The following LIPA variants were observed in gnomAD, a reference collection of about 807,000 sequenced individuals.
LIPA encodes lipase A, lysosomal acid type, also known as lysosomal acid lipase/cholesteryl ester hydrolase.
LIPA carries 26 observed loss-of-function variants against 40.6 expected under a neutral mutation model. That is an observed-to-expected ratio of 0.64 (90% CI 0.47 to 0.89). LIPA has a LOEUF of 0.89. Among genes scored for constraint, LIPA ranks in the 40% least tolerant of loss-of-function variants. The probability of loss-of-function intolerance (pLI) is 0.00; values close to 1 mark genes in which losing one functional copy is unlikely to be tolerated. For synonymous variants in LIPA, 188 were observed against 168.4 expected (o/e 1.12, Z -0.90); for missense variants, 455 against 479.6 (o/e 0.95, Z 0.48).
chr10:89,326,697 T>C (rs1449647756), intron 1 of LIPA, among the ~76,000 whole-genome samples: 1 of 152,200 alleles, frequency 6.6e-6, no homozygotes, highest in Non-Finnish European at 1.5e-5. Context: ...CATAAATATA[T>C]ATATCTACTA....
At chr10:89,359,869 C>T (rs1422172835) in intron 2 of LIPA, among the ~76,000 whole-genome samples, 1 of 150,966 alleles carries the variant, frequency 6.6e-6, no homozygotes, top group Non-Finnish European at 1.5e-5. Context: ...AATGATAATG[C>T]CAACCCTAAT....
At chr10:89,382,271 C>T (rs75530986) in intron 2 of LIPA, among the ~76,000 whole-genome samples, 1,968 of 152,128 alleles carry the variant, frequency 0.013, 44 homozygotes, top group East Asian at 0.092. Flanking sequence ...TTGGGCCTAA[C>T]GGATAGAAAA....
At chr10:89,370,403 A>T (rs1844085445) in intron 2 of LIPA, among the ~76,000 whole-genome samples, 1 of 150,080 alleles carries the variant, frequency 6.7e-6, no homozygotes, top group Non-Finnish European at 1.5e-5. Context: ...TTTTTTTTTT[A>T]ATTTTATTTT....
At chr10:89,253,447 A>G (rs921797437), upstream of LIPA, among the ~76,000 whole-genome samples, 5 of 152,200 alleles carry the variant, frequency 3.3e-5, no homozygotes, top group Non-Finnish European at 5.9e-5. Context: ...TTACCACCAC[A>G]AGAACAGTAT....
rs1047248778 is a variant in LIPA, at chr10:89,302,040, A to G, written c.-2+40571T>C. The G allele has an allele frequency of 2.6e-6, 4 of 1,537,742 alleles. No homozygotes were observed. The African/African-American group carries it at 5.5e-5, about 21-fold the overall frequency. ...GTATATATAGGTCTCTTCAGCATTT[A>G]TTGGTGGCAGAAGAGGAAGATTTCT... On this transcript the variant is annotated intron_variant, in intron 1 of 5. Coordinates refer to the LIPA transcript ENST00000282673.
intron 1 of LIPA, among the ~76,000 whole-genome samples, chr10:89,277,086 A>G (rs536570088): frequency 6.6e-6 from 1 of 152,346 alleles, no homozygotes; most frequent in African/African-American, 2.4e-5. Flanking sequence ...ACCCAGTCAC[A>G]TAAACTTACT....
intron 2 of LIPA, among the ~76,000 whole-genome samples, chr10:89,391,278 A>C (rs1264233097): frequency 6.6e-6 from 1 of 152,178 alleles, no homozygotes; most frequent in Non-Finnish European, 1.5e-5. Flanking sequence ...CAGTGGTGTG[A>C]CCATGGCTCA....
chr10:89,378,507 G>A (rs1182190062), intron 2 of LIPA, among the ~76,000 whole-genome samples: 2 of 152,142 alleles, frequency 1.3e-5, no homozygotes, highest in African/African-American at 4.8e-5. Context: ...TTCTCAAGAG[G>A]CCTTTGGTGA....
intron 2 of LIPA, among the ~76,000 whole-genome samples, chr10:89,361,795 A>G (rs1844023100): frequency 6.7e-6 from 1 of 150,282 alleles, no homozygotes; most frequent in South Asian, 2.1e-4. Context: ...GACGTTGACA[A>G]TGTTAAGCTT....
intron 3 of LIPA, among the ~76,000 whole-genome samples, chr10:89,243,805 G>A (rs1193382558): frequency 6.6e-6 from 1 of 152,206 alleles, no homozygotes; most frequent in East Asian, 1.9e-4. Flanking sequence ...ACTGTATGGA[G>A]AGAGAAGTCT....
chr10:89,267,060 C>T (rs1843240291), intron 1 of LIPA, among the ~76,000 whole-genome samples: 1 of 152,206 alleles, frequency 6.6e-6, no homozygotes, highest in Admixed American at 6.5e-5. Context: ...TTTACTCCCA[C>T]ACATTCTCTA....
rs1844126047 is a variant in LIPA at position 89,376,905 on chromosome 10, G to A, written c.61+35886C>T. The stretch of plus-strand genomic sequence containing the variant: ...ACAGGCCCAGGACAAAGAAGAAATA[G>A]CACAGCGAGGCTACAGTTTCATTTG... On this transcript the variant is annotated intron_variant, in intron 2 of 8. Transcript: ENST00000371837. Among the ~76,000 whole-genome samples, 2 of 152,176 alleles carry A rather than the reference G, an allele frequency of 1.3e-5. 1 individual carries two copies. Among genetic ancestry groups the A allele is most frequent in the South Asian group, 4.1e-4 (2 of 4,828 alleles).
chr10:89,244,382 C>T (rs771279517), intron 3 of LIPA, among the ~76,000 whole-genome samples: 3 of 152,062 alleles, frequency 2.0e-5, no homozygotes, highest in South Asian at 2.1e-4. Context: ...CTCTTTTGCC[C>T]GTATAACACT....
chr10:89,318,947 G>C (rs1471533558), intron 1 of LIPA, among the ~76,000 whole-genome samples: 5 of 152,092 alleles, frequency 3.3e-5, no homozygotes, highest in Middle Eastern at 3.2e-3. Flanking sequence ...ACTGAACAAC[G>C]TGCTCCTGAA....
chr10:89,331,638 TG>T (rs1391979036), intron 1 of LIPA, among the ~76,000 whole-genome samples: 1 of 151,850 alleles, frequency 6.6e-6, no homozygotes, highest in Non-Finnish European at 1.5e-5. Context: ...GGAGGGCAGA[TG>T]CTTGAGCTCA....
At chr10:89,300,887 T>A (rs1006413801) in intron 1 of LIPA, among the ~76,000 whole-genome samples, 5 of 152,146 alleles carry the variant, frequency 3.3e-5, no homozygotes, top group African/African-American at 1.2e-4. Context: ...CTCGAGAGGC[T>A]GAGGCGAATC....
upstream of LIPA, among the ~76,000 whole-genome samples, chr10:89,255,410 C>A (rs1283004631): frequency 6.6e-6 from 1 of 152,068 alleles, no homozygotes; most frequent in Non-Finnish European, 1.5e-5. Context: ...GGGAAAACTG[C>A]CCCCCATGAT....
At position 89,247,569 on chromosome 10, in the gene LIPA, G is replaced by A. The variant is rs1298902398; in HGVS notation, c.80C>T (p.Thr27Ile). ...LHSEGSGGKL[T>I]AVDPETNMNV... ...CATGTTTGTTTCAGGATCCACAGCTGTCAGTTTCCCTCCAGACCCCTCAGA... is the reference window on the plus strand; with the variant it reads ...CATGTTTGTTTCAGGATCCACAGCTATCAGTTTCCCTCCAGACCCCTCAGA... The change falls in exon 2 of 10, where the codon ACA becomes ATA. Residue 27 changes from threonine (T) to isoleucine (I), a missense_variant. Coordinates refer to ENST00000336233, the MANE Select transcript of LIPA (RefSeq NM_000235.4). The A allele has an allele frequency of 6.2e-6, 10 of 1,611,994 alleles. No individual in the cohort carries two copies. The highest frequency in any genetic ancestry group is 1.1e-5 in the South Asian group (1 of 91,038).
At chr10:89,235,091 T>C (rs530852755) in intron 3 of LIPA, among the ~76,000 whole-genome samples, 1 of 152,342 alleles carries the variant, frequency 6.6e-6, no homozygotes, top group East Asian at 1.9e-4. Flanking sequence ...GGCAGAAAGC[T>C]ATTTTTGAAA....
Sources: gnomAD v4.1 joint callset for allele counts (sites outside exome capture counted in the v4.1 genomes callset) on GRCh38, gnomAD v4.1.1 for gene constraint, MANE v1.5 for transcripts, NCBI Gene and HGNC (gene_info 2026-07-23, HGNC 2026-07-21) for gene names.